TRPA1: variants seen among roughly 807,000 people sequenced by gnomAD.
The protein encoded by TRPA1 is transient receptor potential cation channel subfamily A member 1, also known as ankyrin-like with transmembrane domains 1.
In TRPA1, 129 loss-of-function variants were observed where a neutral mutation model predicts 131.3. The observed-to-expected ratio is 0.98, with a 90% CI of 0.85 to 1.14. TRPA1 has a LOEUF of 1.14. Among genes scored for constraint, TRPA1 ranks in the 50% most tolerant of loss-of-function variants. The probability of loss-of-function intolerance (pLI) is 0.00; values close to 1 mark genes in which losing one functional copy is unlikely to be tolerated. For synonymous variants in TRPA1, 441 were observed against 451.7 expected, an observed-to-expected ratio of 0.98 and a Z score of 0.30; for missense variants, 1,304 against 1,354.2, an observed-to-expected ratio of 0.96 and a Z score of 0.58.
At position 72,047,224 on chromosome 8, in the gene TRPA1, C is replaced by T. The variant is rs776250893; in HGVS notation, c.1906-17G>A. The T allele has an allele frequency of 6.2e-7, 1 of 1,603,546 alleles. No individual in the cohort carries two copies. ...TAAAAGTACCTTTGAAAGAGAAAAA[C>T]CAGCTAAGATATTGGGGCAGTACAC... On this transcript the variant is annotated splice_polypyrimidine_tract_variant and intron_variant, in intron 15 of 26. Transcript: ENST00000262209.
rs112239026 is a variant in TRPA1, at chr8:72,046,539, T to C, written c.2035A>G (p.Ile679Val). 2 of 1,596,530 alleles carry C rather than the reference T, an allele frequency of 1.3e-6. No homozygotes were observed. Among genetic ancestry groups the C allele is most frequent in the South Asian group, 2.2e-5 (2 of 89,130 alleles). The change falls in exon 17 of 27, where the codon ATA (isoleucine) becomes GTA (valine). Residue 679 changes from isoleucine (I) to valine (V), a missense_variant. Coordinates refer to ENST00000262209, the MANE Select transcript of TRPA1 (RefSeq NM_007332.3). Reference sequence around the variant, plus strand: ...TTGAGGGCTGTAAGCGGTTCATATATAACATCCTGTGTAGGTGTTTTTTTG... The same window carrying C: ...TTGAGGGCTGTAAGCGGTTCATATACAACATCCTGTGTAGGTGTTTTTTTG... ...FTKKTPTQDV[I>V]YEPLTALNAM...
upstream of TRPA1, among the ~76,000 whole-genome samples, chr8:72,077,593 G>A (rs2587559): frequency 0.17 from 25,306 of 152,050 alleles, 2,478 homozygotes; most frequent in East Asian, 0.31. Context: ...AAATATTATG[G>A]GGGTCTTGTT....
At chr8:72,071,578 A>G in intron 2 of TRPA1, 133 bp downstream of exon 2, 1 of 1,036,948 alleles carries the variant, frequency 9.6e-7, no homozygotes, top group South Asian at 1.5e-5. Context: ...AGGAAAACCC[A>G]CAATTCTAAG....
At chr8:72,089,033 C>A in the TRPA1 span, among the ~76,000 whole-genome samples, 4 of 152,106 alleles carry the variant, frequency 2.6e-5, no homozygotes, top group Admixed American at 2.0e-4. Context: ...TACAGCAAAT[C>A]GTATTTCAAA....
intron 24 of TRPA1, 135 bp from the exon 25 acceptor site, chr8:72,026,208 G>A (rs945378394): frequency 1.1e-5 from 8 of 713,242 alleles, no homozygotes; most frequent in African/African-American, 7.0e-5. Context: ...CAGCTGGGCT[G>A]GCCAGGCTTT....
At chr8:72,063,387 A>G in intron 5 of TRPA1, 76 bp downstream of exon 5, 1 of 1,144,058 alleles carries the variant, frequency 8.7e-7, no homozygotes, top group Non-Finnish European at 1.3e-6. Context: ...CTCAAAAGAA[A>G]AAAAAAAATC....
chr8:72,026,992 A>G (rs1193902502), intron 24 of TRPA1, among the ~76,000 whole-genome samples: 1 of 152,084 alleles, frequency 6.6e-6, no homozygotes, highest in African/African-American at 2.4e-5. Context: ...ACCATTTAAC[A>G]TACTGTGCAT....
At chr8:72,059,196 GTA>G (rs1399141101) in intron 8 of TRPA1, among the ~76,000 whole-genome samples, 192 bp downstream of exon 8, 1 of 152,158 alleles carries the variant, frequency 6.6e-6, no homozygotes, top group Non-Finnish European at 1.5e-5. Context: ...ACTTCTAACT[GTA>G]ATAGTTTGGC....
rs756081624 is a variant in TRPA1 at position 72,075,436 on chromosome 8, G to A, written c.-27C>T. 1.8e-5 allele frequency: 29 copies of A among 1,569,544 alleles called. No individual in the cohort carries two copies. Among genetic ancestry groups the A allele is most frequent in the Non-Finnish European group, 2.3e-5 (27 of 1,149,106 alleles). On this transcript the variant is annotated 5_prime_UTR_variant, in exon 1 of 27. Coordinates refer to ENST00000262209, the MANE Select transcript of TRPA1 (RefSeq NM_007332.3). ...GACCCCACCCCGGACGCCACCTGGT[G>A]CAGCTGCTCACCACGCGCGCGGGCA...
rs529569989 is a variant in TRPA1 at position 72,022,635 on chromosome 8, C to A, written c.*271G>T. 3.9e-5 allele frequency: 20 copies of A among 518,712 alleles called. No homozygotes were observed. Among genetic ancestry groups the A allele is most frequent in the Non-Finnish European group, 7.0e-5 (20 of 286,718 alleles). 32.1% of individuals were successfully genotyped at this position (518,712 alleles called of 1,614,324 possible). A position where few individuals can be genotyped will look rare whatever the true frequency, so the allele number is the denominator to read the frequency against. On this transcript the variant is annotated 3_prime_UTR_variant, in exon 27 of 27. Coordinates refer to ENST00000262209, the MANE Select transcript of TRPA1 (RefSeq NM_007332.3). ...TTAAAAATGTGTGTTCTAGCAAATT[C>A]ATTTTCTACCCATTCAAATAATGAG...
rs1407106067 is a variant in TRPA1, at chr8:72,034,230, C to T, written c.2685+18G>A. The T allele has an allele frequency of 1.9e-6, 3 of 1,595,968 alleles. No individual in the cohort carries two copies. The highest frequency in any genetic ancestry group is 2.6e-6 in the Non-Finnish European group (3 of 1,172,494). On this transcript the variant is annotated intron_variant, in intron 22 of 26. Transcript: ENST00000262209. Reference sequence around the variant, plus strand: ...TAATTCACAGCGACAAAATCAACTACTGATGTAACTGTCTTACCTGTAAAT... The same window carrying T: ...TAATTCACAGCGACAAAATCAACTATTGATGTAACTGTCTTACCTGTAAAT...
upstream of TRPA1, among the ~76,000 whole-genome samples, chr8:72,078,689 G>A (rs1455577848): frequency 6.6e-6 from 1 of 151,890 alleles, no homozygotes; most frequent in African/African-American, 2.4e-5. Context: ...TCCAGTTTGG[G>A]TCTATTATAA....
rs146443559 is a variant in TRPA1 at position 72,042,565 on chromosome 8, G to C, written c.2062-2768C>G. Among the ~76,000 whole-genome samples the C allele has an allele frequency of 5.9e-3, 892 of 151,944 alleles. 14 individuals carry two copies. Among genetic ancestry groups the C allele is most frequent in the African/African-American group, 0.02 (823 of 41,510 alleles). On this transcript the variant is annotated intron_variant, in intron 17 of 26. Transcript: ENST00000262209. ...GGATCCAGCAAGCCTACTTCTAAAT[G>C]TGTATATGAAGAGTTTAAAGCAGGA...
At chr8:72,088,604 T>C in the TRPA1 span, among the ~76,000 whole-genome samples, 1 of 152,154 alleles carries the variant, frequency 6.6e-6, no homozygotes, top group Non-Finnish European at 1.5e-5. Context: ...GAGCTAATGT[T>C]CATTGAGAGT....
At chr8:72,053,902 C>T (rs752764849) in intron 12 of TRPA1, 35 bp from the exon 13 acceptor site, 1 of 1,512,720 alleles carries the variant, frequency 6.6e-7, no homozygotes, top group Non-Finnish European at 9.1e-7. Flanking sequence ...TGTGCATACA[C>T]TTAACAGATG....
At chr8:72,079,597 A>G (rs915442977), upstream of TRPA1, among the ~76,000 whole-genome samples, 2 of 151,916 alleles carry the variant, frequency 1.3e-5, no homozygotes, top group Non-Finnish European at 2.9e-5. Flanking sequence ...CATGGTCTTG[A>G]CTTATATATT....
chr8:72,034,709 C>T (rs1811964974), intron 21 of TRPA1, among the ~76,000 whole-genome samples: 1 of 152,154 alleles, frequency 6.6e-6, no homozygotes, highest in African/African-American at 2.4e-5. Context: ...ATCCTTCTGC[C>T]TCAGCTTCCC....
intron 13 of TRPA1, chr8:72,053,007 A>AAGAG (rs57169742): frequency 0.041 from 9,552 of 230,922 alleles, 186 homozygotes; most frequent in Non-Finnish European, 0.047. Flanking sequence ...GAGATAGAGA[A>AAGAG]AGAGAGAGAG....
chr8:72,065,534 C>T lies in TRPA1; in HGVS notation c.469G>A (p.Asp157Asn), dbSNP rs368227098. ...MKVLLEHRTI[D>N]VNLEGENGNT... ...CCATTTTCTCCTTCCAAATTAACAT[C>T]AATAGTTCTATGCTCAAGCAAGACC... is the stretch of plus-strand genomic sequence containing the variant. The change falls in exon 4 of 27, where the codon GAT (aspartate) becomes AAT (asparagine). Residue 157 changes from aspartate to asparagine, a missense_variant. By Grantham distance (23) the Asp-to-Asn change is conservative. Transcript: ENST00000262209. The T allele has an allele frequency of 1.3e-5, 21 of 1,613,318 alleles. No individual in the cohort carries two copies. Among genetic ancestry groups the T allele is most frequent in the Middle Eastern group, 3.3e-4 (2 of 6,054 alleles).
Sources: allele counts gnomAD v4.1 joint callset (sites outside exome capture counted in the v4.1 genomes callset), GRCh38; gene constraint gnomAD v4.1.1; transcripts MANE v1.5; gene names NCBI Gene and HGNC (gene_info 2026-07-23, HGNC 2026-07-21).